The following CNTN4 variants were observed in gnomAD, a reference collection of about 807,000 sequenced individuals.
The protein encoded by CNTN4 is contactin-4.
CNTN4 carries 77 observed loss-of-function variants against 122.5 expected under a neutral mutation model. The observed-to-expected ratio is 0.63, with a 90% CI of 0.52 to 0.76. The LOEUF is 0.76. Ranked by LOEUF, CNTN4 falls within the 30% of genes least tolerant of loss-of-function variation. CNTN4 has a pLI of 0.00. For missense variants in CNTN4, 1,256 were observed against 1,259.1 expected, an observed-to-expected ratio of 1.00 and a Z score of 0.04; for synonymous variants, 512 against 447.0, an observed-to-expected ratio of 1.15 and a Z score of -1.83.
chr3:2,740,039 T>TC (rs895308980), intron 5 of CNTN4, among the ~76,000 whole-genome samples: 1 of 151,780 alleles, frequency 6.6e-6, no homozygotes, highest in Non-Finnish European at 1.5e-5. Context: ...CCTTTTTTTT[T>TC]CCCCCAAGTA....
At chr3:2,126,248 A>G (rs774751776) in intron 2 of CNTN4, among the ~76,000 whole-genome samples, 12 of 152,100 alleles carry the variant, frequency 7.9e-5, no homozygotes, top group Admixed American at 2.0e-4. Flanking sequence ...AATCTCTACT[A>G]TATGTTAGGA....
chr3:2,139,771 A>G (rs1178348319), intron 2 of CNTN4, among the ~76,000 whole-genome samples: 5 of 151,978 alleles, frequency 3.3e-5, no homozygotes, highest in African/African-American at 4.8e-5. Flanking sequence ...CACAGTGCAC[A>G]CTCTTCCTCA....
intron 2 of CNTN4, among the ~76,000 whole-genome samples, chr3:2,297,331 C>T (rs1289822371): frequency 6.6e-6 from 1 of 152,178 alleles, no homozygotes; most frequent in East Asian, 1.9e-4. Context: ...CATCTGTATA[C>T]ATCATACTGT....
chr3:2,671,223 A>G (rs181525496), intron 4 of CNTN4, among the ~76,000 whole-genome samples: 65 of 152,320 alleles, frequency 4.3e-4, no homozygotes, highest in Non-Finnish European at 7.8e-4. Context: ...ACTTTCAGGT[A>G]CACCAAACAG....
At position 2,894,529 on chromosome 3, in the gene CNTN4, G is replaced by A. The variant is rs1438539206; in HGVS notation, c.941-6156G>A. ...CTACTTAACCTGAATATTATTATGA[G>A]GTTTAGAAATGATGTGCATAAAGTG... On this transcript the variant is annotated intron_variant, in intron 10 of 24. Transcript: ENST00000418658. 5.9e-5 allele frequency among the ~76,000 whole-genome samples: 9 copies of A among 152,078 alleles called. 1 individual carries two copies. Among genetic ancestry groups the A allele is most frequent in the Non-Finnish European group, 1.2e-4 (8 of 68,006 alleles).
intron 2 of CNTN4, among the ~76,000 whole-genome samples, chr3:2,322,446 A>T (rs1194080392): frequency 6.6e-6 from 1 of 152,172 alleles, no homozygotes; most frequent in Non-Finnish European, 1.5e-5. Flanking sequence ...ACACAAAAGG[A>T]TGAATAACTA....
chr3:2,284,737 T>C (rs1347299963), intron 2 of CNTN4, among the ~76,000 whole-genome samples: 2 of 151,864 alleles, frequency 1.3e-5, no homozygotes, highest in African/African-American at 4.8e-5. Flanking sequence ...TAATATAAAT[T>C]ATATCCAACA....
At chr3:2,360,812 A>G (rs2045102886) in intron 3 of CNTN4, among the ~76,000 whole-genome samples, 1 of 152,176 alleles carries the variant, frequency 6.6e-6, no homozygotes, top group Admixed American at 6.5e-5. Context: ...GGTCTCTCCC[A>G]TGACACATGG....
chr3:2,640,855 T>C (rs2082868791), intron 4 of CNTN4, among the ~76,000 whole-genome samples: 1 of 152,212 alleles, frequency 6.6e-6, no homozygotes, highest in Non-Finnish European at 1.5e-5. Flanking sequence ...GATTATAGGT[T>C]CTCATCAATA....
chr3:2,250,188 T>G (rs1345171590), intron 2 of CNTN4, among the ~76,000 whole-genome samples: 25 of 152,068 alleles, frequency 1.6e-4, no homozygotes. Context: ...CAATTACAAA[T>G]ATAAAGATTT....
intron 3 of CNTN4, among the ~76,000 whole-genome samples, chr3:2,345,625 A>G (rs901323489): frequency 1.3e-5 from 2 of 152,186 alleles, no homozygotes; most frequent in Non-Finnish European, 1.5e-5. Context: ...GCCAAATAAT[A>G]TATGTATATC....
chr3:2,214,900 A>G (rs553122231), intron 2 of CNTN4, among the ~76,000 whole-genome samples: 3 of 152,370 alleles, frequency 2.0e-5, no homozygotes, highest in African/African-American at 7.2e-5. Flanking sequence ...TGCAAAGAAG[A>G]AAATACTCTT....
intron 7 of CNTN4, among the ~76,000 whole-genome samples, chr3:2,846,962 C>T (rs1221628782): frequency 1.3e-5 from 2 of 152,122 alleles, no homozygotes; most frequent in African/African-American, 4.8e-5. Flanking sequence ...CACTGTACTC[C>T]AGCCTGGGGA....
chr3:2,131,261 A>G (rs2034436487), intron 2 of CNTN4, among the ~76,000 whole-genome samples: 1 of 152,168 alleles, frequency 6.6e-6, no homozygotes, highest in African/African-American at 2.4e-5. Context: ...CGAATTAGAC[A>G]CCAAATCTGG....
chr3:2,708,726 A>ATCAC (rs1553616842), intron 4 of CNTN4, among the ~76,000 whole-genome samples: 1 of 122,434 alleles, frequency 8.2e-6, no homozygotes, highest in African/African-American at 3.8e-5. Flanking sequence ...GCACGCGCGC[A>ATCAC]TCACACACAC....
chr3:2,717,459 C>T (rs561419049), intron 4 of CNTN4, among the ~76,000 whole-genome samples: 1 of 152,180 alleles, frequency 6.6e-6, no homozygotes, highest in East Asian at 1.9e-4. Flanking sequence ...TTATGTGCAT[C>T]TCCTGGGAGA....
At chr3:2,297,693 C>T (rs1230811169) in intron 2 of CNTN4, among the ~76,000 whole-genome samples, 2 of 151,876 alleles carry the variant, frequency 1.3e-5, no homozygotes, top group East Asian at 1.9e-4. Context: ...TTTTGGTTTG[C>T]TTGTTTTTGT....
chr3:2,851,927 A>C lies in CNTN4; in HGVS notation c.455-14825A>C, dbSNP rs138058724. Among the ~76,000 whole-genome samples the C allele has an allele frequency of 1.4e-3, 217 of 152,346 alleles. 1 individual carries two copies. Among genetic ancestry groups the C allele is most frequent in the Middle Eastern group, 6.8e-3 (2 of 294 alleles). On this transcript the variant is annotated intron_variant, in intron 7 of 24. Transcript: ENST00000418658. ...TTCTCTCTGCTTCTAATAAAGGAGA[A>C]CTGAACAGATTTTTTCCTAGGATGC...
intron 2 of CNTN4, among the ~76,000 whole-genome samples, chr3:2,232,968 C>T (rs1007267060): frequency 2.0e-5 from 3 of 152,082 alleles, no homozygotes; most frequent in African/African-American, 7.2e-5. Context: ...TATGAATAGT[C>T]CCTATTCTCT....
Sources: allele counts gnomAD v4.1 joint callset (sites outside exome capture counted in the v4.1 genomes callset), GRCh38; gene constraint gnomAD v4.1.1; transcripts MANE v1.5; gene names NCBI Gene and HGNC (gene_info 2026-07-23, HGNC 2026-07-21).